Variants in CNOT4 observed in about 807,000 individuals in gnomAD.
CNOT4 encodes CCR4-NOT transcription complex subunit 4, also known as CCR4-associated factor 4.
Under a neutral mutation model 73.8 loss-of-function variants are expected in CNOT4, and 8 were observed. The ratio of observed to expected loss-of-function variants is 0.11; its 90% CI spans 0.06 to 0.20. The LOEUF (loss-of-function observed/expected upper bound fraction) is 0.20, where lower values mean the gene tolerates loss of function less well. Among genes scored for constraint, CNOT4 ranks in the 10% least tolerant of loss-of-function variants. CNOT4 has a pLI of 1.00. For missense variants in CNOT4, 564 were observed against 883.4 expected (o/e 0.64, Z 4.58); for synonymous variants, 293 against 321.1 (o/e 0.91, Z 0.94).
chr7:135,392,038 T>TA (rs779898666), intron 10 of CNOT4, among the ~76,000 whole-genome samples: 10 of 152,042 alleles, frequency 6.6e-5, no homozygotes, highest in Non-Finnish European at 1.3e-4. Context: ...TGTAATGACA[T>TA]ACTAATTCCT....
chr7:135,384,725 G>C (rs1398126804), intron 10 of CNOT4: 2 of 765,082 alleles, frequency 2.6e-6, no homozygotes, highest in East Asian at 2.4e-5. Flanking sequence ...GGCTCTGTAA[G>C]GTCTGCCTTT....
intron 1 of CNOT4, among the ~76,000 whole-genome samples, chr7:135,494,551 C>G (rs973129350): frequency 6.8e-6 from 1 of 147,488 alleles, no homozygotes; most frequent in Non-Finnish European, 1.5e-5. Context: ...GGTAGATTAA[C>G]TTATTAATCC....
Position 135,413,583 on chromosome 7 carries a change from A to G in CNOT4, c.592T>C (p.Tyr198His), listed in dbSNP as rs775759334. The G allele has an allele frequency of 1.2e-6, 2 of 1,611,418 alleles. No individual in the cohort carries two copies. Among genetic ancestry groups the G allele is most frequent in the African/African-American group, 2.7e-5 (2 of 74,796 alleles). Residue 198 changes from tyrosine to histidine, a missense_variant, in exon 6 of 12, where the codon TAC becomes CAC. Transcript: ENST00000541284. Reference protein sequence around the residue: ...ASLGTTKYCSYFLKNMQCPKP... With the variant: ...ASLGTTKYCSHFLKNMQCPKP... ...GGACACTGCATATTCTTTAAGAAGT[A>G]ACTGCAGTATTTTGTTGTACCTAGA...
intron 1 of CNOT4, among the ~76,000 whole-genome samples, chr7:135,459,640 G>A (rs1800752305): frequency 6.6e-6 from 1 of 152,130 alleles, no homozygotes; most frequent in African/African-American, 2.4e-5. Context: ...ATATAAAATG[G>A]TTGTTCCATT....
intron 1 of CNOT4, among the ~76,000 whole-genome samples, chr7:135,459,450 A>C (rs562008776): frequency 1.3e-5 from 2 of 152,266 alleles, no homozygotes; most frequent in African/African-American, 4.8e-5. Flanking sequence ...TTTTTCTCTT[A>C]TACTTCTCCC....
chr7:135,466,111 G>A (rs57294466), intron 1 of CNOT4, among the ~76,000 whole-genome samples: 3,040 of 94,858 alleles, frequency 0.032, 111 homozygotes, highest in African/African-American at 0.11. Flanking sequence ...ACACTATGAA[G>A]AAAAATTTGT....
chr7:135,372,620 G>C (rs538364026), intron 10 of CNOT4, among the ~76,000 whole-genome samples: 3 of 149,924 alleles, frequency 2.0e-5, no homozygotes, highest in Non-Finnish European at 4.4e-5. Flanking sequence ...GCAATGGTGC[G>C]ACCTCGGCTC....
chr7:135,419,678 A>G (rs1294830158), intron 3 of CNOT4, among the ~76,000 whole-genome samples: 1 of 152,158 alleles, frequency 6.6e-6, no homozygotes, highest in Non-Finnish European at 1.5e-5. Context: ...GTCACTACTT[A>G]GATTCATTTC....
chr7:135,404,756 T>C (rs922584751), intron 7 of CNOT4, among the ~76,000 whole-genome samples: 6 of 152,184 alleles, frequency 3.9e-5, no homozygotes, highest in African/African-American at 9.6e-5. Flanking sequence ...CCTTCTCAAA[T>C]GTAATAAAAA....
At chr7:135,387,440 T>C (rs914030844) in intron 10 of CNOT4, 1 of 983,390 alleles carries the variant, frequency 1.0e-6, no homozygotes, top group Non-Finnish European at 1.2e-6. Context: ...AGAGGTAACC[T>C]TGAAAACTCC....
At chr7:135,410,728 T>C in intron 6 of CNOT4, 80 bp from the exon 7 acceptor site, 1 of 812,386 alleles carries the variant, frequency 1.2e-6, no homozygotes, top group Non-Finnish European at 1.7e-6. Context: ...TCTGAATTAT[T>C]AAATATATTT....
intron 1 of CNOT4, among the ~76,000 whole-genome samples, chr7:135,497,717 C>G (rs1384687520): frequency 6.6e-6 from 1 of 152,206 alleles, no homozygotes; most frequent in African/African-American, 2.4e-5. Flanking sequence ...GTTCAAAACA[C>G]TTGATAATCA....
chr7:135,479,018 A>T (rs974872609), intron 1 of CNOT4, among the ~76,000 whole-genome samples: 5 of 152,110 alleles, frequency 3.3e-5, no homozygotes, highest in African/African-American at 1.2e-4. Context: ...GGTAAATTTG[A>T]TGAGTCAGTC....
intron 3 of CNOT4, among the ~76,000 whole-genome samples, chr7:135,416,315 A>T (rs1270803054): frequency 2.0e-5 from 3 of 152,190 alleles, no homozygotes; most frequent in Admixed American, 6.6e-5. Context: ...TGTATCATTA[A>T]TTCTTAGTCT....
intron 10 of CNOT4, among the ~76,000 whole-genome samples, chr7:135,368,282 C>G (rs1221576697): frequency 6.6e-6 from 1 of 152,018 alleles, no homozygotes; most frequent in East Asian, 1.9e-4. Context: ...TCATGATGCA[C>G]TAAACAAGCT....
At chr7:135,495,690 A>AAAG (rs1803483391) in intron 1 of CNOT4, among the ~76,000 whole-genome samples, 54 of 38,648 alleles carry the variant, frequency 1.4e-3, no homozygotes, top group African/African-American at 3.3e-3. Flanking sequence ...AAAAAAAAAA[A>AAAG]AAAGAAAGAA....
chr7:135,433,137 CTTAA>C (rs1798944671), intron 2 of CNOT4, among the ~76,000 whole-genome samples: 1 of 152,094 alleles, frequency 6.6e-6, no homozygotes, highest in South Asian at 2.1e-4. Flanking sequence ...TCCTAGAGCA[CTTAA>C]TTGTTTGGTA....
intron 7 of CNOT4, among the ~76,000 whole-genome samples, chr7:135,398,651 C>T (rs1242234977): frequency 6.6e-6 from 1 of 151,998 alleles, no homozygotes; most frequent in Non-Finnish European, 1.5e-5. Flanking sequence ...AAAATCTCTA[C>T]CCTTAAGGAA....
intron 10 of CNOT4, among the ~76,000 whole-genome samples, chr7:135,390,486 C>A (rs6949366): frequency 1.3e-5 from 2 of 151,904 alleles, no homozygotes; most frequent in African/African-American, 2.4e-5. Flanking sequence ...TAACTGCCCA[C>A]GAATCAAAAT....
Sources: allele counts gnomAD v4.1 joint callset (sites outside exome capture counted in the v4.1 genomes callset), GRCh38; gene constraint gnomAD v4.1.1; transcripts MANE v1.5; gene names NCBI Gene and HGNC (gene_info 2026-07-23, HGNC 2026-07-21).